DMRT1: variants seen among roughly 807,000 people sequenced by gnomAD.
DMRT1 encodes the protein doublesex and mab-3 related transcription factor 1.
In DMRT1, 7 loss-of-function variants were observed where a neutral mutation model predicts 32.3. The observed-to-expected ratio is 0.22, with a 90% confidence interval of 0.12 to 0.41. The LOEUF (loss-of-function observed/expected upper bound fraction) is 0.41, where lower values mean the gene tolerates loss of function less well. Among genes scored for constraint, DMRT1 ranks in the 10% least tolerant of loss-of-function variants. DMRT1 has a pLI of 1.00. For missense variants in DMRT1, 625 were observed against 500.5 expected, an observed-to-expected ratio of 1.25 and a Z score of -2.37; for synonymous variants, 278 against 206.1, an observed-to-expected ratio of 1.35 and a Z score of -2.99.
chr9:894,270 C>T, intron 3 of DMRT1, 75 bp downstream of exon 3: 16 of 1,477,376 alleles, frequency 1.1e-5, no homozygotes, highest in Non-Finnish European at 1.3e-5. Context: ...TGCACATACA[C>T]ACAGAGGCAC....
In DMRT1 at chr9:871,499, A is replaced by AT. The variant is rs56390211; in HGVS notation, c.539-22390dup. Among the ~76,000 whole-genome samples, 344 of 115,060 alleles carry AT rather than the reference A, an allele frequency of 3.0e-3. 1 individual carries two copies. Among genetic ancestry groups the AT allele is most frequent in the Middle Eastern group, 6.1e-3 (1 of 164 alleles). 75.5% of individuals were successfully genotyped at this position (115,060 alleles called of 152,430 possible). On this transcript the variant is annotated intron_variant, in intron 2 of 4. Coordinates refer to ENST00000382276, the MANE Select transcript of DMRT1 (RefSeq NM_021951.3). ...AGGCATGCGCCACCACGCCCGGCTA[A>AT]TTTTTTTTTTTTTTTTTTTTTTTGG...
intron 3 of DMRT1, among the ~76,000 whole-genome samples, chr9:901,000 GTT>G (rs34176929): frequency 4.0e-5 from 6 of 150,026 alleles, no homozygotes; most frequent in East Asian, 3.9e-4. Context: ...CTCTACTTCA[GTT>G]TTTTTTTTTT....
chr9:930,818 A>G (rs7027533), intron 4 of DMRT1, among the ~76,000 whole-genome samples: 56,836 of 151,876 alleles, frequency 0.37, 14,929 homozygotes, highest in African/African-American at 0.75. Flanking sequence ...TGGATTACAG[A>G]CATGAGCCAT....
At chr9:933,466 A>T (rs1818790488) in intron 4 of DMRT1, among the ~76,000 whole-genome samples, 1 of 152,206 alleles carries the variant, frequency 6.6e-6, no homozygotes, top group Admixed American at 6.5e-5. Context: ...CCATAAGCCG[A>T]TGCTGAATAG....
At chr9:878,464 G>A (rs1327327155) in intron 2 of DMRT1, among the ~76,000 whole-genome samples, 1 of 152,122 alleles carries the variant, frequency 6.6e-6, no homozygotes, top group East Asian at 1.9e-4. Flanking sequence ...GCCCTGTCAT[G>A]ATTGCCTTGT....
chr9:868,743 C>G (rs1033762606), intron 2 of DMRT1, among the ~76,000 whole-genome samples: 1 of 152,322 alleles, frequency 6.6e-6, no homozygotes, highest in African/African-American at 2.4e-5. Context: ...GGCACGTTGG[C>G]TCATGCCTAT....
At chr9:858,445 C>A (rs1272466936) in intron 2 of DMRT1, among the ~76,000 whole-genome samples, 1 of 152,156 alleles carries the variant, frequency 6.6e-6, no homozygotes, top group East Asian at 1.9e-4. Flanking sequence ...GTTTGAGGAT[C>A]CTGTCCTGTT....
At chr9:871,582 C>G (rs1479244659) in intron 2 of DMRT1, among the ~76,000 whole-genome samples, 1 of 135,626 alleles carries the variant, frequency 7.4e-6, no homozygotes, top group African/African-American at 3.0e-5. Context: ...ACCTCGTGAT[C>G]CGCCCGCCTC....
At chr9:902,077 T>C (rs1354753840) in intron 3 of DMRT1, among the ~76,000 whole-genome samples, 3 of 149,710 alleles carry the variant, frequency 2.0e-5, no homozygotes, top group Admixed American at 1.3e-4. Flanking sequence ...GCCCAGCTAA[T>C]TTTTGTATTT....
At chr9:864,573 A>C (rs1317074787) in intron 2 of DMRT1, among the ~76,000 whole-genome samples, 4 of 142,388 alleles carry the variant, frequency 2.8e-5, no homozygotes, top group East Asian at 2.1e-4. Flanking sequence ...ATCTCGGCTC[A>C]CTGCAAGCTC....
At chr9:933,667 CAAT>C (rs1304782726) in intron 4 of DMRT1, among the ~76,000 whole-genome samples, 2 of 152,334 alleles carry the variant, frequency 1.3e-5, no homozygotes, top group Admixed American at 1.3e-4. Context: ...ATTTTAATTA[CAAT>C]GGAAAATGCA....
chr9:936,323 A>T (rs963141246), intron 4 of DMRT1, among the ~76,000 whole-genome samples: 1 of 152,154 alleles, frequency 6.6e-6, no homozygotes, highest in Non-Finnish European at 1.5e-5. Flanking sequence ...TAGTAGCTCT[A>T]TGGTTATGAA....
At chr9:933,264 GC>G (rs1378358794) in intron 4 of DMRT1, among the ~76,000 whole-genome samples, 2 of 152,126 alleles carry the variant, frequency 1.3e-5, no homozygotes, top group African/African-American at 2.4e-5. Flanking sequence ...CGGGCGACCA[GC>G]CCCCATCCTG....
chr9:888,842 C>T (rs1328417997), intron 2 of DMRT1, among the ~76,000 whole-genome samples: 1 of 151,864 alleles, frequency 6.6e-6, no homozygotes, highest in Non-Finnish European at 1.5e-5. Flanking sequence ...TCAGAATCTC[C>T]TGGGCTGGAT....
At chr9:947,189 G>A (rs977657476) in intron 4 of DMRT1, among the ~76,000 whole-genome samples, 2 of 152,136 alleles carry the variant, frequency 1.3e-5, no homozygotes, top group Non-Finnish European at 2.9e-5. Context: ...AGCCACATGC[G>A]GCCCAGAATG....
In DMRT1 at chr9:910,923, G is replaced by T. The variant is rs551132109; in HGVS notation, c.823-5840G>T. On this transcript the variant is annotated intron_variant, in intron 3 of 4. Transcript: ENST00000382276. ...GCTTGAAGGAATAAAAAAAAACCTT[G>T]AGAGGAAACAAGGAGGCATTTCACA... Among the ~76,000 whole-genome samples the T allele has an allele frequency of 5.3e-5, 8 of 152,232 alleles. No homozygotes were observed. The East Asian group carries it at 1.2e-3, about 22-fold the overall frequency.
intron 2 of DMRT1, among the ~76,000 whole-genome samples, chr9:862,932 T>G (rs1815786250): frequency 6.6e-6 from 1 of 151,984 alleles, no homozygotes; most frequent in Admixed American, 6.6e-5. Context: ...GAAGGGACTT[T>G]GCAAATGTGA....
At chr9:948,803 C>G (rs962827336) in intron 4 of DMRT1, among the ~76,000 whole-genome samples, 67 of 151,936 alleles carry the variant, frequency 4.4e-4, no homozygotes, top group African/African-American at 1.6e-3. Flanking sequence ...TGCCTGTAAT[C>G]CTAGCACTTC....
intron 4 of DMRT1, among the ~76,000 whole-genome samples, chr9:958,131 T>C (rs1203725489): frequency 6.6e-6 from 1 of 152,256 alleles, no homozygotes; most frequent in Non-Finnish European, 1.5e-5. Context: ...CATTGAAGTT[T>C]TGTGTGTTAC....
Sources: gnomAD v4.1 joint callset for allele counts (sites outside exome capture counted in the v4.1 genomes callset) on GRCh38, gnomAD v4.1.1 for gene constraint, MANE v1.5 for transcripts, NCBI Gene and HGNC (gene_info 2026-07-23, HGNC 2026-07-21) for gene names.